The following DMD variants were observed in gnomAD, a reference collection of about 807,000 sequenced individuals.
DMD encodes the protein mutant dystrophin.
DMD carries 63 observed loss-of-function variants against 330.1 expected under a neutral mutation model. The ratio of observed to expected loss-of-function variants is 0.19; its 90% confidence interval spans 0.16 to 0.24. The LOEUF (loss-of-function observed/expected upper bound fraction) is 0.24. DMD is among the 10% of genes least tolerant of loss of function. DMD has a pLI of 1.00. For synonymous variants in DMD, 1,223 were observed against 959.8 expected (o/e 1.27, Z -5.07); for missense variants, 3,344 against 2,684.1 (o/e 1.25, Z -5.43).
rs138492329 is a variant in DMD at position 32,432,461 on chromosome X, A to G, written c.4071+5780T>C. Among the ~76,000 whole-genome samples, 385 of 111,828 alleles carry G rather than the reference A, an allele frequency of 3.4e-3. 3 individuals are homozygous for G. Among genetic ancestry groups the G allele is most frequent in the African/African-American group, 0.012 (374 of 30,784 alleles). ...TTATACTTCTTTGAAAGCAACATAA[A>G]ATACAACTACTAGACATTTTCCAGC... On this transcript the variant is annotated intron_variant, in intron 29 of 78. Coordinates refer to ENST00000357033, the MANE Select transcript of DMD (RefSeq NM_004006.3).
chrX:32,174,609 C>T (rs965553247), intron 44 of DMD, among the ~76,000 whole-genome samples: 3 of 112,369 alleles, frequency 2.7e-5, no homozygotes, highest in Non-Finnish European at 5.6e-5. Context: ...TGGCCCTTTA[C>T]GTTTACATTA....
At chrX:31,557,797 T>G (rs761449675) in intron 55 of DMD, among the ~76,000 whole-genome samples, 21 of 110,949 alleles carry the variant, frequency 1.9e-4, no homozygotes, top group African/African-American at 5.6e-4. Context: ...ATGAACAGAT[T>G]TGAGTTACAT....
chrX:32,653,288 T>G lies in DMD; in HGVS notation c.961-8136A>C, dbSNP rs749473923. Among the ~76,000 whole-genome samples, 391 of 112,247 alleles carry G rather than the reference T, an allele frequency of 3.5e-3. 1 individual carries two copies. Among genetic ancestry groups the G allele is most frequent in the Non-Finnish European group, 5.8e-3 (311 of 53,295 alleles). On this transcript the variant is annotated intron_variant, in intron 9 of 78. Transcript: ENST00000357033. ...GTTTTCTTCTAGGTTTTTATGGTTT[T>G]AGGTCTAACATTTAAGTCTTTGATC...
At chrX:33,045,315 T>TACACAC (rs55970492) in intron 1 of DMD, among the ~76,000 whole-genome samples, 2,210 of 96,623 alleles carry the variant, frequency 0.023, 69 homozygotes, top group African/African-American at 0.069. Flanking sequence ...CACAGGTGCG[T>TACACAC]ACACACACAC....
At chrX:32,748,149 C>T (rs1211406565) in intron 7 of DMD, among the ~76,000 whole-genome samples, 1 of 109,670 alleles carries the variant, frequency 9.1e-6, no homozygotes, top group Non-Finnish European at 1.9e-5. Flanking sequence ...ACGAGACCAG[C>T]CTGGCCAACA....
chrX:31,872,249 A>C (rs1285199342), intron 48 of DMD, among the ~76,000 whole-genome samples: 1 of 111,239 alleles, frequency 9.0e-6, no homozygotes, highest in Non-Finnish European at 1.9e-5. Context: ...CAGTGATTTA[A>C]AACAAGCTGC....
intron 61 of DMD, among the ~76,000 whole-genome samples, chrX:31,330,787 T>C (rs1353201148): frequency 8.9e-6 from 1 of 112,297 alleles, no homozygotes; most frequent in Admixed American, 9.4e-5. Flanking sequence ...TGTGTAATTT[T>C]TCCCATTCCA....
rs1378603323 is a variant in DMD, at chrX:31,929,577, G to A, written c.6912+19C>T. On this transcript the variant is annotated intron_variant, in intron 47 of 78. Coordinates refer to ENST00000357033, the MANE Select transcript of DMD (RefSeq NM_004006.3). Reference sequence around the variant, plus strand: ...GCAACATTTAACACATGTGACGGAAGAGATGGTTAATGTCTAACCTTTATC... The same window carrying A: ...GCAACATTTAACACATGTGACGGAAAAGATGGTTAATGTCTAACCTTTATC... 7.5e-6 allele frequency: 9 copies of A among 1,206,530 alleles called. No homozygotes were observed. Among genetic ancestry groups the A allele is most frequent in the Non-Finnish European group, 1.0e-5 (9 of 892,926 alleles).
At chrX:32,418,767 A>T (rs1032136616) in intron 29 of DMD, among the ~76,000 whole-genome samples, 1 of 108,327 alleles carries the variant, frequency 9.2e-6, no homozygotes, top group African/African-American at 3.5e-5. Context: ...ACTTCAGGAG[A>T]TCGAAACCAT....
chrX:32,016,786 A>G (rs1569532368), intron 44 of DMD, among the ~76,000 whole-genome samples: 1 of 112,798 alleles, frequency 8.9e-6, no homozygotes, highest in African/African-American at 3.2e-5. Context: ...TTTAGAATAT[A>G]TGGCACTTGC....
intron 78 of DMD, among the ~76,000 whole-genome samples, chrX:31,122,430 G>A (rs1395613818): frequency 1.8e-5 from 2 of 110,604 alleles, no homozygotes; most frequent in Non-Finnish European, 3.8e-5. Flanking sequence ...CCCAACCATC[G>A]TCACCATTAT....
Position 31,138,745 on chromosome X carries a change from A to G in DMD, c.10922-4551T>C, listed in dbSNP as rs146546982. On this transcript the variant is annotated intron_variant, in intron 76 of 78. Transcript: ENST00000357033. Reference sequence around the variant, plus strand: ...CAGCTCTCCTGAGAACTCACTCACTATCACGAGAACAGCATGGGGGAAAAC... The same window carrying G: ...CAGCTCTCCTGAGAACTCACTCACTGTCACGAGAACAGCATGGGGGAAAAC... Among the ~76,000 whole-genome samples the G allele has an allele frequency of 3.2e-3, 346 of 107,168 alleles. 4 individuals are homozygous for G. Among genetic ancestry groups the G allele is most frequent in the South Asian group, 0.025 (59 of 2,349 alleles). 93.1% of individuals were successfully genotyped at this position (107,168 alleles called of 115,157 possible).
intron 61 of DMD, among the ~76,000 whole-genome samples, chrX:31,345,611 A>G (rs185337571): frequency 8.6e-4 from 96 of 111,740 alleles, no homozygotes; most frequent in African/African-American, 3.0e-3. Flanking sequence ...TGAGTCGCTT[A>G]GGAGTATGTT....
intron 18 of DMD, among the ~76,000 whole-genome samples, chrX:32,504,013 G>C (rs2148707213): frequency 8.9e-6 from 1 of 111,895 alleles, no homozygotes; most frequent in African/African-American, 3.2e-5. Context: ...AGAATAGAAA[G>C]CTCAGAAACA....
chrX:33,088,593 G>A (rs893078668), intron 1 of DMD, among the ~76,000 whole-genome samples: 1 of 110,978 alleles, frequency 9.0e-6, no homozygotes, highest in Non-Finnish European at 1.9e-5. Context: ...GCTGAGGCAG[G>A]AGAATGGTGT....
chrX:32,523,834 G>A (rs991493752), intron 17 of DMD, among the ~76,000 whole-genome samples: 2 of 111,064 alleles, frequency 1.8e-5, no homozygotes, highest in African/African-American at 6.6e-5. Flanking sequence ...GCATGTTGAT[G>A]TAACTGTTAT....
intron 45 of DMD, among the ~76,000 whole-genome samples, chrX:31,959,174 TC>T (rs1468151152): frequency 8.9e-6 from 1 of 111,970 alleles, no homozygotes; most frequent in African/African-American, 3.2e-5. Context: ...AGTTTCACTC[TC>T]TTTTTTTCAC....
chrX:32,188,895 T>A (rs1214061690), intron 44 of DMD, among the ~76,000 whole-genome samples: 1 of 110,662 alleles, frequency 9.0e-6, no homozygotes, highest in East Asian at 2.8e-4. Context: ...TTAATGACAA[T>A]AAATCTTAAA....
intron 2 of DMD, among the ~76,000 whole-genome samples, chrX:32,903,571 GATTTA>G (rs1226568358): frequency 9.0e-6 from 1 of 111,453 alleles, no homozygotes; most frequent in Non-Finnish European, 1.9e-5. Context: ...CAGAGATTCT[GATTTA>G]ATTTATCTTG....
Sources: gnomAD v4.1 joint callset for allele counts (sites outside exome capture counted in the v4.1 genomes callset) on GRCh38, gnomAD v4.1.1 for gene constraint, MANE v1.5 for transcripts, NCBI Gene and HGNC (gene_info 2026-07-23, HGNC 2026-07-21) for gene names.